Variants in WDFY3 observed in about 807,000 individuals in gnomAD.
WDFY3 encodes WD repeat and FYVE domain containing 3.
WDFY3 carries 66 observed loss-of-function variants against 409.6 expected under a neutral mutation model. The observed-to-expected ratio is 0.16, with a 90% confidence interval of 0.13 to 0.20. The LOEUF is 0.20. WDFY3 is among the 10% of genes least tolerant of loss of function. WDFY3 has a pLI of 1.00. For missense variants in WDFY3, 3,031 were observed against 4,298.1 expected (o/e 0.71, Z 8.24); for synonymous variants, 1,521 against 1,537.1 (o/e 0.99, Z 0.25).
At position 84,692,846 on chromosome 4, in the gene WDFY3, T is replaced by G. The variant is rs781438553; in HGVS notation, c.9049+39A>C. ...TAAACTGGGATTATTAACAATCCCA[T>G]TAAATCATTAATCAAAAGTTTATTT... On this transcript the variant is annotated intron_variant, in intron 59 of 67. Transcript: ENST00000295888. The G allele has an allele frequency of 1.2e-5, 19 of 1,559,564 alleles. No individual in the cohort carries two copies. The South Asian group carries it at 1.9e-4, about 16-fold the overall frequency.
intron 32 of WDFY3, 68 bp from the exon 33 acceptor site, chr4:84,757,229 A>G (rs1335090543): frequency 7.1e-7 from 1 of 1,410,972 alleles, no homozygotes; most frequent in Non-Finnish European, 9.9e-7. Flanking sequence ...ATTAACAAAG[A>G]AGGAAGTAAT....
intron 15 of WDFY3, 76 bp from the exon 16 acceptor site, chr4:84,803,543 T>C: frequency 6.8e-7 from 1 of 1,468,128 alleles, no homozygotes; most frequent in Non-Finnish European, 9.2e-7. Flanking sequence ...TTTCATCCAC[T>C]GATAACCAAA....
At chr4:84,702,856 G>C (rs946797168) in intron 55 of WDFY3, among the ~76,000 whole-genome samples, 37 of 152,256 alleles carry the variant, frequency 2.4e-4, no homozygotes, top group African/African-American at 8.4e-4. Context: ...CAGCACTTTC[G>C]GAGGCCGAGG....
intron 64 of WDFY3, among the ~76,000 whole-genome samples, chr4:84,680,388 C>T (rs1251950919): frequency 6.6e-6 from 1 of 152,210 alleles, no homozygotes; most frequent in Non-Finnish European, 1.5e-5. Context: ...CTCCTGAGCC[C>T]AGGGAATCTG....
intron 4 of WDFY3, among the ~76,000 whole-genome samples, chr4:84,854,992 A>G (rs1759555222): frequency 6.6e-6 from 1 of 152,206 alleles, no homozygotes; most frequent in Admixed American, 6.5e-5. Context: ...TCAACTCAAA[A>G]GGGCTGATTC....
chr4:84,709,214 T>A, intron 52 of WDFY3, 79 bp downstream of exon 52: 2 of 1,443,706 alleles, frequency 1.4e-6, no homozygotes, highest in Admixed American at 4.4e-5. Flanking sequence ...ATTTTATGGA[T>A]AATTAAAGTG....
chr4:84,698,946 C>T (rs767061846), intron 56 of WDFY3, among the ~76,000 whole-genome samples: 4 of 152,154 alleles, frequency 2.6e-5, no homozygotes, highest in African/African-American at 7.2e-5. Context: ...CCTCAGCTTC[C>T]CAAAGTCCTG....
intron 30 of WDFY3, among the ~76,000 whole-genome samples, chr4:84,768,256 A>C (rs1744032435): frequency 6.6e-6 from 1 of 152,232 alleles, no homozygotes. Context: ...AATTAATGAA[A>C]GTGACTACGC....
intron 4 of WDFY3, among the ~76,000 whole-genome samples, chr4:84,850,997 G>A (rs1758931266): frequency 3.5e-5 from 3 of 84,712 alleles, no homozygotes; most frequent in Admixed American, 1.8e-4. Flanking sequence ...ATATTGCCCA[G>A]GCAGGTCTTG....
intron 3 of WDFY3, among the ~76,000 whole-genome samples, chr4:84,864,141 C>T (rs142527867): frequency 2.2e-4 from 34 of 151,878 alleles, no homozygotes; most frequent in African/African-American, 8.0e-4. Flanking sequence ...ACGAGGTGGG[C>T]GGATCACCTG....
chr4:84,718,281 G>A, intron 48 of WDFY3, 141 bp downstream of exon 48: 4 of 742,036 alleles, frequency 5.4e-6, no homozygotes, highest in Non-Finnish European at 8.1e-6. Context: ...TCATCTTTGT[G>A]AATATGTAAT....
intron 64 of WDFY3, 106 bp from the exon 65 acceptor site, chr4:84,679,348 T>C: frequency 8.8e-7 from 1 of 1,130,776 alleles, no homozygotes; most frequent in Non-Finnish European, 1.2e-6. Flanking sequence ...TCTATAGACA[T>C]AATATTTTAA....
intron 1 of WDFY3, among the ~76,000 whole-genome samples, chr4:84,939,600 T>A (rs1230699594): frequency 6.6e-6 from 1 of 152,166 alleles, no homozygotes; most frequent in Non-Finnish European, 1.5e-5. Context: ...ATTTTTATTA[T>A]CATTATGGAT....
At chr4:84,881,583 T>C (rs1204599806) in intron 3 of WDFY3, among the ~76,000 whole-genome samples, 3 of 126,366 alleles carry the variant, frequency 2.4e-5, no homozygotes, top group Non-Finnish European at 5.1e-5. Context: ...GTTACAATCA[T>C]TAAAAAAAAA....
intron 2 of WDFY3, among the ~76,000 whole-genome samples, chr4:84,921,341 T>C (rs1305503315): frequency 6.6e-6 from 1 of 150,942 alleles, no homozygotes; most frequent in African/African-American, 2.4e-5. Context: ...GGAAGGAAAA[T>C]AAATGGGAAA....
chr4:84,789,655 ACACACACACACACACC>A (rs1430433445), intron 22 of WDFY3, 55 bp downstream of exon 22: 48 of 1,457,444 alleles, frequency 3.3e-5, no homozygotes, highest in South Asian at 4.8e-5. Context: ...ACACACACAC[ACACACACACACACACC>A]CCCCAAACTA....
Position 84,736,230 on chromosome 4 carries a change from T to C in WDFY3, c.6855A>G (p.Leu2285=), listed in dbSNP as rs1467149464. 6.2e-7 allele frequency: 1 copy of C among 1,613,598 alleles called. No homozygotes were observed. The highest frequency in any genetic ancestry group is 1.7e-5 in the Admixed American group (1 of 60,002). Residue 2285 remains leucine, a synonymous_variant, in exon 42 of 68, where the codon TTA becomes TTG. Transcript: ENST00000295888. ...RVSSGFGLSK[L]TGSRRNRKES... ...CTTTTCGATTCCTTCTTGATCCTGTTAACTTGGAAAGACCAAAGCCACTGC... is the reference window on the plus strand; with the variant it reads ...CTTTTCGATTCCTTCTTGATCCTGTCAACTTGGAAAGACCAAAGCCACTGC...
At position 84,801,671 on chromosome 4, in the gene WDFY3, G is replaced by T; in HGVS notation, c.2801C>A (p.Ala934Asp). ...QRMFERLASQ[A>D]LEPMVLREFL... ...TTACCTCAACACCATGGGTTCCAGA[G>T]CCTGAGAGGCTAATCGTTCAAACAT... The change falls in exon 17 of 68, where the codon GCT becomes GAT. Residue 934 changes from alanine (A) to aspartate (D), a missense_variant. By Grantham distance (126) the Ala-to-Asp change is moderately radical. Around this residue, in one of 16 missense-constraint regions of WDFY3, gnomAD observed 1,322 missense variants for 1,697.9 expected, o/e 0.78. Transcript: ENST00000295888. 1 of 1,611,290 alleles carries T rather than the reference G, an allele frequency of 6.2e-7. No individual in the cohort carries two copies. The highest frequency in any genetic ancestry group is 1.3e-5 in the African/African-American group (1 of 74,990).
intron 18 of WDFY3, 31 bp from the exon 19 acceptor site, chr4:84,796,783 G>A: frequency 6.5e-7 from 1 of 1,540,824 alleles, no homozygotes. Flanking sequence ...TTGGGAAAAT[G>A]TCATATGGAA....
Sources: allele counts gnomAD v4.1 joint callset (sites outside exome capture counted in the v4.1 genomes callset), GRCh38; gene constraint gnomAD v4.1.1; regional missense constraint gnomAD v4.1.1; transcripts MANE v1.5; gene names NCBI Gene and HGNC (gene_info 2026-07-23, HGNC 2026-07-21).